AGMO: variants seen among roughly 807,000 people sequenced by gnomAD.
The protein encoded by AGMO is glyceryl-ether monooxygenase.
AGMO carries 75 observed loss-of-function variants against 60.2 expected under a neutral mutation model. The ratio of observed to expected loss-of-function variants is 1.25; its 90% CI spans 1.03 to 1.51. The LOEUF is 1.51. Ranked by LOEUF, AGMO falls within the 40% of genes most tolerant of loss-of-function variation. AGMO has a pLI of 0.00. For missense variants in AGMO, 763 were observed against 525.5 expected, an observed-to-expected ratio of 1.45 and a Z score of -4.42; for synonymous variants, 261 against 177.1, an observed-to-expected ratio of 1.47 and a Z score of -3.76.
chr7:15,335,439 A>T (rs1781627642), intron 12 of AGMO, among the ~76,000 whole-genome samples: 1 of 152,146 alleles, frequency 6.6e-6, no homozygotes, highest in Admixed American at 6.6e-5. Flanking sequence ...TATGCAAAGC[A>T]ATTATAATTA....
intron 2 of AGMO, among the ~76,000 whole-genome samples, chr7:15,557,274 C>T (rs905586435): frequency 6.6e-6 from 1 of 152,146 alleles, no homozygotes; most frequent in East Asian, 1.9e-4. Flanking sequence ...AATTATTATC[C>T]AAAGCATAAT....
chr7:15,387,115 T>C (rs575881202), intron 9 of AGMO, among the ~76,000 whole-genome samples: 2 of 152,304 alleles, frequency 1.3e-5, no homozygotes, highest in East Asian at 3.9e-4. Context: ...TGTGAAGTTA[T>C]GCCCTACACA....
chr7:15,198,855 C>G (rs1792279167), downstream of AGMO, among the ~76,000 whole-genome samples: 1 of 152,124 alleles, frequency 6.6e-6, no homozygotes, highest in South Asian at 2.1e-4. Flanking sequence ...TCTGAGGTTT[C>G]ACAATAATGA....
At chr7:15,330,288 T>A (rs544563930) in intron 12 of AGMO, among the ~76,000 whole-genome samples, 1 of 152,284 alleles carries the variant, frequency 6.6e-6, no homozygotes, top group South Asian at 2.1e-4. Flanking sequence ...CTTGAAATCA[T>A]TGATAAACAT....
At chr7:15,550,154 T>C (rs1318800744) in intron 2 of AGMO, among the ~76,000 whole-genome samples, 13 of 151,190 alleles carry the variant, frequency 8.6e-5, no homozygotes, top group Non-Finnish European at 1.3e-4. Flanking sequence ...ATCTCTGGGA[T>C]GCATTCAAAG....
the AGMO span, among the ~76,000 whole-genome samples, chr7:15,176,907 G>C: frequency 2.0e-5 from 3 of 152,020 alleles, no homozygotes; most frequent in East Asian, 3.9e-4. Flanking sequence ...TAGTTTCTGG[G>C]ACCAAGAGTC....
chr7:15,231,609 A>C (rs1248721419), intron 12 of AGMO, among the ~76,000 whole-genome samples: 1 of 152,246 alleles, frequency 6.6e-6, no homozygotes, highest in Non-Finnish European at 1.5e-5. Flanking sequence ...GAATGATCAT[A>C]ATCAATTGAT....
chr7:15,185,040 CGAT>C, the AGMO span, among the ~76,000 whole-genome samples: 1 of 151,492 alleles, frequency 6.6e-6, no homozygotes, highest in African/African-American at 2.4e-5. Context: ...ATGGTGGCAC[CGAT>C]AATAAAATAA....
intron 8 of AGMO, among the ~76,000 whole-genome samples, chr7:15,388,265 G>T (rs2128484215): frequency 6.6e-6 from 1 of 152,154 alleles, no homozygotes; most frequent in Admixed American, 6.5e-5. Flanking sequence ...TCCATTATTG[G>T]AACCCTAAGC....
At chr7:15,359,402 T>C (rs1487026131) in intron 12 of AGMO, among the ~76,000 whole-genome samples, 3 of 151,416 alleles carry the variant, frequency 2.0e-5, no homozygotes, top group Non-Finnish European at 4.4e-5. Context: ...TTCTAATGTG[T>C]GGTTTTCTAT....
intron 12 of AGMO, among the ~76,000 whole-genome samples, chr7:15,209,243 A>C (rs956985605): frequency 6.6e-6 from 1 of 152,200 alleles, no homozygotes; most frequent in Non-Finnish European, 1.5e-5. Flanking sequence ...TCAATACTTG[A>C]TGTACAAAAA....
intron 12 of AGMO, among the ~76,000 whole-genome samples, chr7:15,364,984 A>G (rs1782914519): frequency 6.6e-6 from 1 of 152,034 alleles, no homozygotes; most frequent in South Asian, 2.1e-4. Flanking sequence ...ATATAGACCC[A>G]AAAGTTCAAT....
chr7:15,134,290 G>A, the AGMO span, among the ~76,000 whole-genome samples: 1 of 152,226 alleles, frequency 6.6e-6, no homozygotes. Flanking sequence ...AGCCTCCTGA[G>A]TAGCTGGGAC....
the AGMO span, among the ~76,000 whole-genome samples, chr7:15,169,405 T>C: frequency 6.6e-6 from 1 of 152,164 alleles, no homozygotes; most frequent in African/African-American, 2.4e-5. Flanking sequence ...CATAGGTAGT[T>C]TGTGGGCAAT....
At chr7:15,345,803 C>T (rs571390104) in intron 12 of AGMO, among the ~76,000 whole-genome samples, 1 of 152,250 alleles carries the variant, frequency 6.6e-6, no homozygotes, top group East Asian at 1.9e-4. Flanking sequence ...AATCTCAAAG[C>T]CAGGACCTCA....
the AGMO span, among the ~76,000 whole-genome samples, chr7:15,177,888 T>C: frequency 4.6e-5 from 7 of 152,312 alleles, no homozygotes; most frequent in Middle Eastern, 0.01. Flanking sequence ...TGATATTGCT[T>C]TCTTTTATGA....
the AGMO span, among the ~76,000 whole-genome samples, chr7:15,164,816 C>T: frequency 6.6e-6 from 1 of 152,094 alleles, no homozygotes; most frequent in Non-Finnish European, 1.5e-5. Context: ...AGTACAACCT[C>T]TATGGAAAGC....
At chr7:15,347,957 TTTC>T (rs1265343497) in intron 12 of AGMO, among the ~76,000 whole-genome samples, 1 of 152,060 alleles carries the variant, frequency 6.6e-6, no homozygotes, top group African/African-American at 2.4e-5. Context: ...GCTTATAACT[TTTC>T]TTGACTTTAC....
chr7:15,339,939 C>A (rs964139846), intron 12 of AGMO, among the ~76,000 whole-genome samples: 1 of 152,096 alleles, frequency 6.6e-6, no homozygotes, highest in Non-Finnish European at 1.5e-5. Flanking sequence ...TATAATTCAG[C>A]CCATAAGTTA....
Sources: allele counts gnomAD v4.1 joint callset (sites outside exome capture counted in the v4.1 genomes callset), GRCh38; gene constraint gnomAD v4.1.1; transcripts MANE v1.5; gene names NCBI Gene and HGNC (gene_info 2026-07-23, HGNC 2026-07-21).